PPEF1: variants seen among roughly 807,000 people sequenced by gnomAD.
PPEF1 encodes protein phosphatase with EF-hand domain 1, also known as serine/threonine-protein phosphatase with EF-hands 1.
PPEF1 carries 12 observed loss-of-function variants against 53.3 expected under a neutral mutation model. The observed-to-expected ratio is 0.23, with a 90% confidence interval of 0.14 to 0.36. PPEF1 has a LOEUF of 0.36. Ranked by LOEUF, PPEF1 falls within the 10% of genes least tolerant of loss-of-function variation. PPEF1 has a pLI of 1.00. For synonymous variants in PPEF1, 165 were observed against 176.7 expected (o/e 0.93, Z 0.52); for missense variants, 334 against 490.4 (o/e 0.68, Z 3.01).
chrX:18,804,517 G>A (rs1389623381), intron 11 of PPEF1, among the ~76,000 whole-genome samples: 4 of 111,019 alleles, frequency 3.6e-5, no homozygotes, highest in African/African-American at 9.8e-5. Context: ...ATGTTAGCCA[G>A]ACTGGTCTCA....
intron 3 of PPEF1, among the ~76,000 whole-genome samples, chrX:18,740,413 C>CT (rs763003965): frequency 0.4 from 39,225 of 98,054 alleles, 7,418 homozygotes; most frequent in Non-Finnish European, 0.55. Flanking sequence ...CTCTCTCTCT[C>CT]TTTTTTTTTT....
intron 3 of PPEF1, among the ~76,000 whole-genome samples, chrX:18,689,248 T>A (rs1929228461): frequency 9.1e-6 from 1 of 110,023 alleles, no homozygotes; most frequent in Non-Finnish European, 1.9e-5. Context: ...GGCTCACGCC[T>A]GTAATTCCAG....
intron 10 of PPEF1, among the ~76,000 whole-genome samples, chrX:18,797,459 G>A (rs773442646): frequency 1.2e-4 from 13 of 110,776 alleles, no homozygotes; most frequent in Non-Finnish European, 2.5e-4. Flanking sequence ...AGGCCAGAAA[G>A]GTTTCAAAAA....
chrX:18,824,002 G>A lies in PPEF1; in HGVS notation c.1581G>A (p.Ser527=), dbSNP rs147649125. The A allele has an allele frequency of 7.9e-5, 95 of 1,206,063 alleles. No individual in the cohort carries two copies. The highest frequency in any genetic ancestry group is 1.1e-4 in the Non-Finnish European group (94 of 891,791). ...ACTTACCATGGAGATCCCTCAGTTCGAATCTGGTAAACATAGACCAAAATG... is the reference window on the plus strand; with the variant it reads ...ACTTACCATGGAGATCCCTCAGTTCAAATCTGGTAAACATAGACCAAAATG... ...GLNLPWRSLS[S]NLVNIDQNGN... Residue 527 remains serine (S), a synonymous_variant, in exon 14 of 16, where the codon TCG becomes TCA. Transcript: ENST00000470157.
chrX:18,686,179 AC>A (rs1415095223), exon 3 of PPEF1: 1 of 111,873 alleles, frequency 8.9e-6, no homozygotes, highest in Non-Finnish European at 1.9e-5. Context: ...AGAAGATCCG[AC>A]CCAAACTGAG....
chrX:18,730,162 A>G lies in PPEF1; in HGVS notation c.47-19A>G, dbSNP rs1304338516. On this transcript the variant is annotated intron_variant, in intron 1 of 15. Coordinates refer to ENST00000470157, the MANE Select transcript of PPEF1 (RefSeq NM_001377996.1). ...TAGTAACTGTTTTTCTTTGACTTTC[A>G]TATTCTGTGGGTCTGCAGCACTGAG... The G allele has an allele frequency of 8.4e-7, 1 of 1,196,141 alleles. No individual in the cohort carries two copies. The highest frequency in any genetic ancestry group is 1.9e-5 in the South Asian group (1 of 53,480).
At chrX:18,760,238 C>T (rs911371248) in intron 5 of PPEF1, among the ~76,000 whole-genome samples, 21 of 111,219 alleles carry the variant, frequency 1.9e-4, no homozygotes, top group African/African-American at 6.9e-4. Flanking sequence ...CCACCTGCCT[C>T]GGCCTCCCAA....
At position 18,805,026 on chromosome X, in the gene PPEF1, G is replaced by T. The variant is rs182664112; in HGVS notation, c.1251+949G>T. Among the ~76,000 whole-genome samples the T allele has an allele frequency of 3.6e-3, 380 of 107,022 alleles. 2 individuals are homozygous for T. Among genetic ancestry groups the T allele is most frequent in the African/African-American group, 0.012 (365 of 29,306 alleles). 92.9% of individuals were successfully genotyped at this position (107,022 alleles called of 115,157 possible). ...TTTTGAGACAGAGTCTCGCTGTGTTGTCCAGGCTGGAGTGCAGTGGTGCAA... is the reference window on the plus strand; with the variant it reads ...TTTTGAGACAGAGTCTCGCTGTGTTTTCCAGGCTGGAGTGCAGTGGTGCAA... On this transcript the variant is annotated intron_variant, in intron 11 of 15. Transcript: ENST00000470157.
At chrX:18,729,342 CCTTCT>C (rs777841367) in intron 1 of PPEF1, among the ~76,000 whole-genome samples, 19 of 111,778 alleles carry the variant, frequency 1.7e-4, no homozygotes, top group African/African-American at 6.2e-4. Context: ...TAGTTTATTC[CCTTCT>C]CTTCATGTAC....
chrX:18,685,903 T>C (rs1929061189), intron 2 of PPEF1, among the ~76,000 whole-genome samples: 1 of 111,433 alleles, frequency 9.0e-6, no homozygotes, highest in Non-Finnish European at 1.9e-5. Flanking sequence ...CAAAACACTT[T>C]CAACTGGCTG....
In PPEF1 at chrX:18,757,607, C is replaced by A; in HGVS notation, c.397-20C>A. On this transcript the variant is annotated intron_variant, in intron 4 of 15. Transcript: ENST00000470157. The stretch of plus-strand genomic sequence containing the variant: ...TCTTCCTTGTTCATTACATCTATTT[C>A]CTCTGCTTCCCGCTCACAGATACTT... The A allele has an allele frequency of 9.0e-7, 1 of 1,106,396 alleles. No homozygotes were observed. The allele number at this position is 1,106,396 out of a possible 1,213,427, so 91.2% of individuals were successfully genotyped here. A position where few individuals can be genotyped will look rare whatever the true frequency, so the allele number is the denominator to read the frequency against.
chrX:18,800,625 G>C (rs1245752646), intron 10 of PPEF1, among the ~76,000 whole-genome samples: 1 of 111,745 alleles, frequency 8.9e-6, no homozygotes, highest in Non-Finnish European at 1.9e-5. Context: ...AGTTTATCTG[G>C]ACTTAATTCT....
chrX:18,715,398 G>T (rs5909210), intron 1 of PPEF1, among the ~76,000 whole-genome samples: 3,190 of 110,876 alleles, frequency 0.029, 54 homozygotes, highest in Non-Finnish European at 0.048. Context: ...TGGGCGTGAC[G>T]GCACATGCCT....
chrX:18,767,923 C>A (rs918416295), intron 6 of PPEF1, among the ~76,000 whole-genome samples: 1 of 111,334 alleles, frequency 9.0e-6, no homozygotes, highest in African/African-American at 3.3e-5. Flanking sequence ...ATGACCTAAG[C>A]AATCACTTGA....
At chrX:18,773,769 C>CCT (rs1028418392) in intron 6 of PPEF1, among the ~76,000 whole-genome samples, 4 of 109,782 alleles carry the variant, frequency 3.6e-5, no homozygotes, top group Non-Finnish European at 7.6e-5. Flanking sequence ...CCACTGCAGT[C>CCT]CTCTCTCTCT....
chrX:18,752,082 T>C (rs933209522), intron 4 of PPEF1, among the ~76,000 whole-genome samples: 5 of 112,271 alleles, frequency 4.5e-5, no homozygotes, highest in African/African-American at 1.6e-4. Context: ...GTTGAATTGC[T>C]ATATCACTTT....
At chrX:18,755,772 T>C (rs1024696035) in intron 4 of PPEF1, among the ~76,000 whole-genome samples, 1 of 111,555 alleles carries the variant, frequency 9.0e-6, no homozygotes, top group African/African-American at 3.3e-5. Flanking sequence ...TTGTCTAATA[T>C]GAACACTTCC....
chrX:18,726,072 A>C (rs990682447), intron 1 of PPEF1, among the ~76,000 whole-genome samples: 9 of 110,916 alleles, frequency 8.1e-5, no homozygotes, highest in Admixed American at 9.7e-5. Flanking sequence ...GAAATGGTGA[A>C]TGGCCAGGCG....
chrX:18,810,076 CTGTGTG>C (rs199559695), intron 12 of PPEF1, among the ~76,000 whole-genome samples: 43,896 of 99,117 alleles, frequency 0.44, 7,751 homozygotes, highest in Non-Finnish European at 0.54. Flanking sequence ...AAAAAATCCT[CTGTGTG>C]TGTGTGTGTG....
Sources: gnomAD v4.1 joint callset for allele counts (sites outside exome capture counted in the v4.1 genomes callset) on GRCh38, gnomAD v4.1.1 for gene constraint, MANE v1.5 for transcripts, NCBI Gene and HGNC (gene_info 2026-07-23, HGNC 2026-07-21) for gene names.